ATP6V1E2: variants seen among roughly 807,000 people sequenced by gnomAD.
ATP6V1E2 encodes the protein V-type proton ATPase subunit E 2.
For missense variants in ATP6V1E2, 308 were observed against 273.3 expected, an observed-to-expected ratio of 1.13 and a Z score of -0.90; for synonymous variants, 121 against 104.2, an observed-to-expected ratio of 1.16 and a Z score of -0.98.
Position 46,540,939 on chromosome 2 carries a change from C to T in ATP6V1E2, c.-310+451G>A, listed in dbSNP as rs75498296. ...ATGCTATGACATTCCCAGAGCTTCT[C>T]CTACTCTTAGCTCACATTTATAGAT... On this transcript the variant is annotated intron_variant, in intron 2 of 4. Transcript: ENST00000522587. Among the ~76,000 whole-genome samples, 189 of 152,326 alleles carry T rather than the reference C, an allele frequency of 1.2e-3. 5 individuals carry two copies. The East Asian group carries it at 0.018, about 14-fold the overall frequency.
chr2:46,541,566 G>A (rs1667773590), intron 1 of ATP6V1E2, 113 bp from the exon 2 acceptor site: 1 of 152,238 alleles, frequency 6.6e-6, no homozygotes, highest in African/African-American at 2.4e-5. Flanking sequence ...ACCTTTCTAG[G>A]TCTCAGTTTT....
intron 4 of ATP6V1E2, among the ~76,000 whole-genome samples, chr2:46,531,739 T>C (rs867743100): frequency 4.6e-5 from 7 of 152,238 alleles, no homozygotes; most frequent in Admixed American, 1.3e-4. Context: ...TGTAAAGGGG[T>C]ACCTCATTGA....
At chr2:46,521,126 G>A (rs1043602365) in intron 4 of ATP6V1E2, among the ~76,000 whole-genome samples, 1 of 152,164 alleles carries the variant, frequency 6.6e-6, no homozygotes, top group East Asian at 1.9e-4. Context: ...TGCTGAGGCC[G>A]ATATCAAATT....
chr2:46,530,597 A>G lies in ATP6V1E2; in HGVS notation c.-102+5216T>C, dbSNP rs1164514771. Among the ~76,000 whole-genome samples the G allele has an allele frequency of 2.6e-5, 4 of 152,204 alleles. No individual in the cohort carries two copies. Among genetic ancestry groups the G allele is most frequent in the Admixed American group, 1.3e-4 (2 of 15,272 alleles). ...TTGCTATTTGTTTTCCATTGTAACC[A>G]GCTATTCTTTCTTCCTTTTTTCCTC... On this transcript the variant is annotated intron_variant, in intron 4 of 4. Transcript: ENST00000522587. This position sits in a 1 kb window ranked among gnomAD's most constrained non-coding sequence, Gnocchi z 5.2.
At chr2:46,536,167 A>G (rs896290918) in intron 3 of ATP6V1E2, among the ~76,000 whole-genome samples, 2 of 152,232 alleles carry the variant, frequency 1.3e-5, no homozygotes, top group African/African-American at 4.8e-5. Context: ...ATGGCAAAAC[A>G]TTAAGAGCGC....
chr2:46,523,339 G>A (rs774463724), intron 4 of ATP6V1E2, among the ~76,000 whole-genome samples: 2 of 152,016 alleles, frequency 1.3e-5, no homozygotes, highest in African/African-American at 4.8e-5. Flanking sequence ...GTATTGCCTA[G>A]GTTTTCTTCT....
At position 46,536,612 on chromosome 2, in the gene ATP6V1E2, A is replaced by G. The variant is rs961440372; in HGVS notation, c.-218T>C. The G allele has an allele frequency of 2.0e-5, 3 of 152,292 alleles. No homozygotes were observed. The highest frequency in any genetic ancestry group is 7.2e-5 in the African/African-American group (3 of 41,462). The allele number at this position is 152,292 out of a possible 1,614,324, so 9.4% of individuals were successfully genotyped here. ...ATGCCCATCATTTTATCTCCTTACC[A>G]GTGACTTCTAAGAAGATGGTTCACA... On this transcript the variant is annotated splice_region_variant and 5_prime_UTR_variant, in exon 3 of 5. Transcript: ENST00000522587.
rs3814045 is a variant in ATP6V1E2 at position 46,512,018 on chromosome 2, A to G, written c.*13T>C. Reference sequence around the variant, plus strand: ...GGTTTAGTGGTTCAACACTAGCTTCACTTCCCAGAGGCTTATATAAAGAAC... The same window carrying G: ...GGTTTAGTGGTTCAACACTAGCTTCGCTTCCCAGAGGCTTATATAAAGAAC... On this transcript the variant is annotated 3_prime_UTR_variant, in exon 5 of 5. Transcript: ENST00000522587. 0.41 allele frequency: 629,237 copies of G among 1,547,824 alleles called. 130,144 individuals carry two copies. The highest frequency in any genetic ancestry group is 0.61 in the East Asian group (27,139 of 44,294).
intron 4 of ATP6V1E2, chr2:46,519,481 C>T (rs373773641): frequency 6.6e-6 from 1 of 152,272 alleles, no homozygotes; most frequent in Non-Finnish European, 1.5e-5. Context: ...TGAGGGAGGG[C>T]ATCCTCTTCA....
chr2:46,536,073 G>C (rs1204876379), intron 3 of ATP6V1E2, 146 bp from the exon 4 acceptor site: 1 of 152,166 alleles, frequency 6.6e-6, no homozygotes, highest in Non-Finnish European at 1.5e-5. Context: ...CTTTCCTATA[G>C]TTCAGCAATG....
Position 46,530,977 on chromosome 2 carries a change from G to C in ATP6V1E2, c.-102+4836C>G, listed in dbSNP as rs550549386. Among the ~76,000 whole-genome samples the C allele has an allele frequency of 1.3e-5, 2 of 152,218 alleles. No individual in the cohort carries two copies. The highest frequency in any genetic ancestry group is 2.9e-5 in the Non-Finnish European group (2 of 68,032). The stretch of plus-strand genomic sequence containing the variant: ...CAATTCAAGATGAGATTTGGGTGAG[G>C]ACACAGCCAAACCATATTACCTGAC... On this transcript the variant is annotated intron_variant, in intron 4 of 4. Transcript: ENST00000522587. The surrounding 1 kb of genome is among the most constrained non-coding windows in gnomAD (Gnocchi z 5.2).
intron 4 of ATP6V1E2, chr2:46,519,445 A>G (rs999249103): frequency 1.8e-4 from 28 of 152,370 alleles, no homozygotes; most frequent in Admixed American, 3.3e-4. Flanking sequence ...CCACACCCAC[A>G]ACAGGGGATG....
At chr2:46,538,931 T>C (rs1242004283) in intron 2 of ATP6V1E2, among the ~76,000 whole-genome samples, 2 of 152,038 alleles carry the variant, frequency 1.3e-5, no homozygotes, top group South Asian at 2.1e-4. Flanking sequence ...ACTGCACCAC[T>C]GCATTCCAGC....
intron 4 of ATP6V1E2, among the ~76,000 whole-genome samples, chr2:46,527,629 G>A (rs1666988932): frequency 6.6e-6 from 1 of 152,184 alleles, no homozygotes; most frequent in Non-Finnish European, 1.5e-5. Flanking sequence ...GCCTCCCAAA[G>A]TGCTGGGATT....
intron 4 of ATP6V1E2, among the ~76,000 whole-genome samples, chr2:46,525,607 C>T (rs1346050143): frequency 6.6e-6 from 1 of 151,956 alleles, no homozygotes; most frequent in Non-Finnish European, 1.5e-5. Flanking sequence ...ATCAGAAGGG[C>T]CTGAAAAGCT....
rs1005993375 is a variant in ATP6V1E2, at chr2:46,512,743, G to A, written c.-32C>T. On this transcript the variant is annotated 5_prime_UTR_variant, in exon 5 of 5. Coordinates refer to ENST00000522587, the MANE Select transcript of ATP6V1E2 (RefSeq NM_001318063.2). ...TCTCAGAGGGGACGGCAGAGAGGGA[G>A]CTCGTACACCGTTTGGCTCCTTTGA... 5 of 1,570,058 alleles carry A rather than the reference G, an allele frequency of 3.2e-6. No individual in the cohort carries two copies. The highest frequency in any genetic ancestry group is 1.4e-5 in the African/African-American group (1 of 73,450).
At chr2:46,523,580 A>G (rs1263685956) in intron 4 of ATP6V1E2, among the ~76,000 whole-genome samples, 1 of 151,924 alleles carries the variant, frequency 6.6e-6, no homozygotes, top group African/African-American at 2.4e-5. Flanking sequence ...TCTCTGCTCC[A>G]TTGGCCTATA....
In ATP6V1E2 at chr2:46,511,985, AC is replaced by A; in HGVS notation, c.*45del. On this transcript the variant is annotated 3_prime_UTR_variant, in exon 5 of 5. Transcript: ENST00000522587. ...AGTTTCCTTTCCCCAAAAAACTTAA[AC>A]TTTTATGGTTTAGTGGTTCAACACT... 7.3e-6 allele frequency: 11 copies of A among 1,506,950 alleles called. No individual in the cohort carries two copies. The highest frequency in any genetic ancestry group is 9.7e-6 in the Non-Finnish European group (11 of 1,128,430). The allele number at this position is 1,506,950 out of a possible 1,614,324, so 93.3% of individuals were successfully genotyped here.
chr2:46,515,217 A>C (rs1687660199), intron 4 of ATP6V1E2, among the ~76,000 whole-genome samples: 1 of 152,232 alleles, frequency 6.6e-6, no homozygotes, highest in Non-Finnish European at 1.5e-5. Flanking sequence ...GATATTGGCA[A>C]ATACAGAATA....
Sources: gnomAD v4.1 joint callset for allele counts (sites outside exome capture counted in the v4.1 genomes callset) on GRCh38, gnomAD v4.1.1 for gene constraint, Gnocchi (gnomAD v3.1) non-coding constraint, MANE v1.5 for transcripts, NCBI Gene and HGNC (gene_info 2026-07-23, HGNC 2026-07-21) for gene names.